Variants in PCSK5 observed in about 807,000 individuals in gnomAD.
PCSK5 encodes prohormone convertase 5.
A neutral mutation model predicts 233.2 loss-of-function variants in PCSK5; 129 were observed. The ratio of observed to expected loss-of-function variants is 0.55; its 90% CI spans 0.48 to 0.64. PCSK5 has a LOEUF of 0.64. PCSK5 is among the 30% of genes least tolerant of loss of function. The pLI, the probability that PCSK5 is intolerant of heterozygous loss-of-function variation, is 0.00. For missense variants in PCSK5, 2,076 were observed against 2,430.1 expected (o/e 0.85, Z 3.06); for synonymous variants, 825 against 879.2 (o/e 0.94, Z 1.09).
chr9:76,046,167 T>TTTTTTTG, intron 5 of PCSK5, among the ~76,000 whole-genome samples: 1 of 58,354 alleles, frequency 1.7e-5, no homozygotes, highest in African/African-American at 1.2e-4. Flanking sequence ...TTTGTTTTTT[T>TTTTTTTG]TTTTTTTTTT....
At position 76,350,846 on chromosome 9, in the gene PCSK5, G is replaced by A; in HGVS notation, c.4985G>A (p.Cys1662Tyr). ...CTTTCAGGAAAAGGAGCGTTGAATT[G>A]TTTATCCTGTGTGTGGAGTTACCAC... ...DQCKGKGALN[C>Y]LSCVWSYHLM... The change falls in exon 36 of 38, where the codon TGT becomes TAT. Residue 1662 changes from cysteine (C) to tyrosine (Y), a missense_variant. By Grantham distance (194) the Cys-to-Tyr change is radical (BLOSUM62 -2). Coordinates refer to ENST00000674117, the MANE Select transcript of PCSK5 (RefSeq NM_001372043.1). The A allele has an allele frequency of 6.2e-7, 1 of 1,603,156 alleles. No individual in the cohort carries two copies. The highest frequency in any genetic ancestry group is 8.5e-7 in the Non-Finnish European group (1 of 1,171,524).
At chr9:75,994,011 G>A (rs1471177338) in intron 3 of PCSK5, among the ~76,000 whole-genome samples, 1 of 152,090 alleles carries the variant, frequency 6.6e-6, no homozygotes, top group African/African-American at 2.4e-5. Flanking sequence ...TCTAATTGGG[G>A]AATGGCAGGA....
At chr9:76,147,665 C>T (rs1206299020) in intron 10 of PCSK5, among the ~76,000 whole-genome samples, 1 of 152,098 alleles carries the variant, frequency 6.6e-6, no homozygotes, top group Non-Finnish European at 1.5e-5. Flanking sequence ...CCCAAGTCGC[C>T]CCCCATATGT....
chr9:76,127,058 C>T (rs1257698292), intron 9 of PCSK5, among the ~76,000 whole-genome samples: 1 of 152,010 alleles, frequency 6.6e-6, no homozygotes, highest in Non-Finnish European at 1.5e-5. Context: ...TTAAAATATA[C>T]TTCAATAAAC....
chr9:76,080,856 A>G (rs781063256), intron 7 of PCSK5, among the ~76,000 whole-genome samples: 28 of 152,236 alleles, frequency 1.8e-4, no homozygotes, highest in Non-Finnish European at 3.8e-4. Flanking sequence ...ATCACTATTT[A>G]AAATGGGCAA....
rs565787676 is a variant in PCSK5, at chr9:76,071,952, T to C, written c.894+54T>C. On this transcript the variant is annotated intron_variant, in intron 7 of 37. Coordinates refer to ENST00000674117, the MANE Select transcript of PCSK5 (RefSeq NM_001372043.1). ...CTGTGTGGATGGGTGATGATTCTCA[T>C]ATGAAGAATCTATGGGTTTCCAGCT... The C allele has an allele frequency of 9.9e-6, 15 of 1,508,330 alleles. No homozygotes were observed. In the South Asian group the frequency reaches 1.2e-4, roughly 12 times the overall value. The allele number at this position is 1,508,330 out of a possible 1,614,324, so 93.4% of individuals were successfully genotyped here. A position where few individuals can be genotyped will look rare whatever the true frequency, so the allele number is the denominator to read the frequency against.
chr9:76,083,894 T>C (rs531423395), intron 7 of PCSK5, among the ~76,000 whole-genome samples: 1 of 152,372 alleles, frequency 6.6e-6, no homozygotes, highest in South Asian at 2.1e-4. Flanking sequence ...TATGTTTTTA[T>C]CTGATATACA....
At chr9:76,182,208 G>A (rs776843862) in intron 16 of PCSK5, among the ~76,000 whole-genome samples, 29 of 152,190 alleles carry the variant, frequency 1.9e-4, no homozygotes, top group Non-Finnish European at 4.0e-4. Flanking sequence ...AACCTTACAA[G>A]CAGATTTGCT....
At chr9:76,122,505 T>C (rs1832682042) in intron 9 of PCSK5, among the ~76,000 whole-genome samples, 1 of 152,194 alleles carries the variant, frequency 6.6e-6, no homozygotes, top group Non-Finnish European at 1.5e-5. Flanking sequence ...GATTTATTAT[T>C]GACCTTTTTT....
In PCSK5 at chr9:76,273,564, A is replaced by AATATATATATAT. The variant is rs1336491411; in HGVS notation, c.3143-18658_3143-18657insTATATATATATA. 3.9e-3 allele frequency among the ~76,000 whole-genome samples: 291 copies of AATATATATATAT among 74,794 alleles called. 3 individuals are homozygous for AATATATATATAT. Among genetic ancestry groups the AATATATATATAT allele is most frequent in the East Asian group, 0.012 (32 of 2,570 alleles). 49.1% of individuals were successfully genotyped at this position (74,794 alleles called of 152,430 possible). Reference sequence around the variant, plus strand: ...TCTTCTTATAGATTAACAAAATAGTAATATATATATACATATATATATATA... The same window carrying AATATATATATAT: ...TCTTCTTATAGATTAACAAAATAGTAATATATATATATATATATATATACATATATATATATA... On this transcript the variant is annotated intron_variant, in intron 24 of 37. Coordinates refer to ENST00000674117, the MANE Select transcript of PCSK5 (RefSeq NM_001372043.1).
At chr9:76,049,562 C>T (rs577122637) in intron 5 of PCSK5, among the ~76,000 whole-genome samples, 56 of 152,312 alleles carry the variant, frequency 3.7e-4, no homozygotes, top group African/African-American at 1.3e-3. Context: ...TCAGCACTCC[C>T]TGTGCAGAGT....
chr9:76,267,950 TACACACAC>T (rs10539241), intron 24 of PCSK5, among the ~76,000 whole-genome samples: 35,779 of 149,252 alleles, frequency 0.24, 4,541 homozygotes, highest in South Asian at 0.36. Flanking sequence ...CTTATGGGTA[TACACACAC>T]ACACACACAC....
chr9:76,282,120 CTTTT>C (rs71372059), intron 24 of PCSK5, among the ~76,000 whole-genome samples: 2 of 14,510 alleles, frequency 1.4e-4, no homozygotes, highest in African/African-American at 2.1e-4. Flanking sequence ...CTTTTCTTTG[CTTTT>C]TTTTTTTTTT....
At chr9:76,028,128 G>T (rs1002445431) in intron 5 of PCSK5, among the ~76,000 whole-genome samples, 1 of 152,120 alleles carries the variant, frequency 6.6e-6, no homozygotes, top group Non-Finnish European at 1.5e-5. Flanking sequence ...AAATCTTCTC[G>T]ATCAGATTCA....
At position 75,932,400 on chromosome 9, in the gene PCSK5, T is replaced by A; in HGVS notation, c.214T>A (p.Tyr72Asn). Residue 72 changes from tyrosine (Y) to asparagine (N), a missense_variant, in exon 2 of 38, where the codon TAC becomes AAC. Tyr to Asn is a moderately radical substitution (Grantham distance 143). Transcript: ENST00000674117. ...IGQIGALKDY[Y>N]HFYHSRTIKR... ...GCAGATAGGGGCCCTGAAGGACTAC[T>A]ACCACTTCTACCATAGCAGGACGAT... The A allele has an allele frequency of 6.2e-7, 1 of 1,611,508 alleles. No homozygotes were observed. The highest frequency in any genetic ancestry group is 1.1e-5 in the South Asian group (1 of 90,956).
At chr9:75,931,965 G>A (rs1823825680) in intron 1 of PCSK5, among the ~76,000 whole-genome samples, 1 of 152,118 alleles carries the variant, frequency 6.6e-6, no homozygotes. Flanking sequence ...ATCTAACAAG[G>A]TCCTTCATTG....
chr9:76,274,716 G>T lies in PCSK5; in HGVS notation c.3143-17517G>T, dbSNP rs539956075. Reference sequence around the variant, plus strand: ...CTTAGGGTTACACATTCTCAAAGGGGTTTTTTTGTTGTTTTATTTTATTGT... The same window carrying T: ...CTTAGGGTTACACATTCTCAAAGGGTTTTTTTTGTTGTTTTATTTTATTGT... On this transcript the variant is annotated intron_variant, in intron 24 of 37. Transcript: ENST00000674117. 7.2e-5 allele frequency among the ~76,000 whole-genome samples: 11 copies of T among 152,174 alleles called. No individual in the cohort carries two copies. In the East Asian group the frequency reaches 1.2e-3, roughly 16 times the overall value.
chr9:76,105,188 T>A (rs1473663816), intron 8 of PCSK5, among the ~76,000 whole-genome samples: 1 of 152,212 alleles, frequency 6.6e-6, no homozygotes, highest in Non-Finnish European at 1.5e-5. Context: ...CATAATGGAA[T>A]ATACTCAGCC....
intron 2 of PCSK5, among the ~76,000 whole-genome samples, chr9:75,933,256 A>T (rs1398615178): frequency 6.6e-6 from 1 of 152,162 alleles, no homozygotes; most frequent in African/African-American, 2.4e-5. Flanking sequence ...AGTTGGTGGA[A>T]GGAATGGAGT....
Sources: gnomAD v4.1 joint callset for allele counts (sites outside exome capture counted in the v4.1 genomes callset) on GRCh38, gnomAD v4.1.1 for gene constraint, MANE v1.5 for transcripts, NCBI Gene and HGNC (gene_info 2026-07-23, HGNC 2026-07-21) for gene names.